The following CSMD1 variants were observed in gnomAD, a reference collection of about 807,000 sequenced individuals.
The protein encoded by CSMD1 is CUB and Sushi multiple domains 1.
Under a neutral mutation model 417.5 loss-of-function variants are expected in CSMD1, and 213 were observed. That is an observed-to-expected ratio of 0.51 (90% CI 0.46 to 0.57). The LOEUF (loss-of-function observed/expected upper bound fraction) is 0.57, where lower values mean the gene tolerates loss of function less well. Ranked by LOEUF, CSMD1 falls within the 20% of genes least tolerant of loss-of-function variation. The pLI, the probability that CSMD1 is intolerant of heterozygous loss-of-function variation, is 0.00. For missense variants in CSMD1, 6,923 were observed against 4,529.7 expected (o/e 1.53, Z -15.17); for synonymous variants, 2,862 against 1,736.8 (o/e 1.65, Z -16.11).
At chr8:4,394,117 G>C (rs774689303) in intron 3 of CSMD1, among the ~76,000 whole-genome samples, 1 of 152,218 alleles carries the variant, frequency 6.6e-6, no homozygotes, top group South Asian at 2.1e-4. Context: ...TAATTTTCCA[G>C]ATTATCTTCT....
intron 1 of CSMD1, among the ~76,000 whole-genome samples, chr8:4,914,400 C>T (rs983618037): frequency 1.3e-5 from 2 of 151,874 alleles, no homozygotes; most frequent in South Asian, 2.1e-4. Context: ...CACGGTGAAA[C>T]TCCGTCTCCA....
chr8:4,987,932 G>C (rs749515442), intron 1 of CSMD1, among the ~76,000 whole-genome samples: 1 of 152,150 alleles, frequency 6.6e-6, no homozygotes, highest in Non-Finnish European at 1.5e-5. Flanking sequence ...TGGACTTTAG[G>C]CCACAGGCTG....
At chr8:4,463,154 G>C (rs1799941443) in intron 2 of CSMD1, among the ~76,000 whole-genome samples, 2 of 152,246 alleles carry the variant, frequency 1.3e-5, no homozygotes, top group South Asian at 4.1e-4. Context: ...CCCCAAAGAA[G>C]ATACACAAAT....
At chr8:4,051,869 C>CT (rs371622851) in intron 3 of CSMD1, among the ~76,000 whole-genome samples, 2 of 128,212 alleles carry the variant, frequency 1.6e-5, no homozygotes, top group African/African-American at 6.1e-5. Context: ...TCTTTCTTTC[C>CT]TTCCTCCTTT....
chr8:3,667,859 G>C (rs1208361360), intron 7 of CSMD1, among the ~76,000 whole-genome samples: 1 of 152,176 alleles, frequency 6.6e-6, no homozygotes, highest in East Asian at 1.9e-4. Flanking sequence ...GTTTAATCGT[G>C]AAATAGCAGT....
chr8:3,841,680 A>G (rs1429693295), intron 5 of CSMD1, among the ~76,000 whole-genome samples: 1 of 152,184 alleles, frequency 6.6e-6, no homozygotes, highest in Non-Finnish European at 1.5e-5. Flanking sequence ...ATATGATTCT[A>G]ATTTTAGAAC....
intron 46 of CSMD1, among the ~76,000 whole-genome samples, chr8:3,100,808 T>C (rs1815681233): frequency 6.6e-6 from 1 of 152,160 alleles, no homozygotes; most frequent in Non-Finnish European, 1.5e-5. Context: ...TAAATTGGGA[T>C]TTATGAGTAA....
At chr8:4,412,467 G>T (rs569857365) in intron 3 of CSMD1, among the ~76,000 whole-genome samples, 1 of 152,116 alleles carries the variant, frequency 6.6e-6, no homozygotes, top group Non-Finnish European at 1.5e-5. Flanking sequence ...CCGGGCAGAT[G>T]CCAGTACCAC....
chr8:3,712,920 T>C (rs555893339), intron 6 of CSMD1, among the ~76,000 whole-genome samples: 130 of 152,218 alleles, frequency 8.5e-4, no homozygotes, highest in Non-Finnish European at 1.7e-3. Context: ...GTTCAAGAGA[T>C]CCCTGATACA....
At chr8:3,555,567 C>G (rs1370592936) in intron 10 of CSMD1, among the ~76,000 whole-genome samples, 1 of 152,134 alleles carries the variant, frequency 6.6e-6, no homozygotes, top group Non-Finnish European at 1.5e-5. Flanking sequence ...TTCACTGAAG[C>G]TTTTGTGTAA....
chr8:4,650,202 G>A (rs374605953), intron 1 of CSMD1, among the ~76,000 whole-genome samples: 4,031 of 151,838 alleles, frequency 0.027, 69 homozygotes, highest in South Asian at 0.049. Flanking sequence ...AAAATTAGCC[G>A]GGTGTGGTGG....
intron 12 of CSMD1, among the ~76,000 whole-genome samples, chr8:3,447,852 G>T (rs946158169): frequency 6.6e-6 from 1 of 152,076 alleles, no homozygotes. Context: ...GCCATCGGAG[G>T]TGTCTTTACT....
At chr8:4,486,148 TATATATATACATAC>T (rs1378557803) in intron 2 of CSMD1, among the ~76,000 whole-genome samples, 12 of 25,782 alleles carry the variant, frequency 4.7e-4, no homozygotes, top group East Asian at 2.2e-3. Context: ...CATACATATA[TATATATATACATAC>T]ATATATATAT....
chr8:3,664,924 C>A (rs910371467), intron 7 of CSMD1, among the ~76,000 whole-genome samples: 1 of 152,108 alleles, frequency 6.6e-6, no homozygotes, highest in Admixed American at 6.6e-5. Context: ...CTCAGGGTTT[C>A]ATTTTGTCTC....
chr8:3,810,798 C>T (rs1205019121), intron 5 of CSMD1, among the ~76,000 whole-genome samples: 1 of 152,158 alleles, frequency 6.6e-6, no homozygotes, highest in Non-Finnish European at 1.5e-5. Context: ...GGCACATCAT[C>T]AGGCTGACCT....
chr8:3,913,209 A>G (rs1584954206), intron 5 of CSMD1, among the ~76,000 whole-genome samples: 1 of 152,240 alleles, frequency 6.6e-6, no homozygotes, highest in African/African-American at 2.4e-5. Flanking sequence ...GGAGGTCAGA[A>G]CAGATATCAG....
At chr8:4,420,544 TA>T (rs376101398) in intron 2 of CSMD1, among the ~76,000 whole-genome samples, 2 of 152,140 alleles carry the variant, frequency 1.3e-5, no homozygotes, top group Non-Finnish European at 2.9e-5. Flanking sequence ...TTTTTTCTAA[TA>T]AAAAATATGA....
intron 1 of CSMD1, among the ~76,000 whole-genome samples, chr8:4,839,632 G>T (rs558984078): frequency 6.6e-6 from 1 of 152,102 alleles, no homozygotes; most frequent in African/African-American, 2.4e-5. Context: ...AGAAGAACTT[G>T]TTCCTCACAC....
chr8:4,665,176 T>G (rs1804841180), intron 1 of CSMD1, among the ~76,000 whole-genome samples: 2 of 152,176 alleles, frequency 1.3e-5, no homozygotes, highest in African/African-American at 4.8e-5. Context: ...CTTTTCTGTT[T>G]GTCCATTTGC....
Sources: allele counts gnomAD v4.1 joint callset (sites outside exome capture counted in the v4.1 genomes callset), GRCh38; gene constraint gnomAD v4.1.1; transcripts MANE v1.5; gene names NCBI Gene and HGNC (gene_info 2026-07-23, HGNC 2026-07-21).